Variants in KALRN observed in about 807,000 individuals in gnomAD.
KALRN encodes the protein kalirin.
In KALRN, 70 loss-of-function variants were observed where a neutral mutation model predicts 353.7. The observed-to-expected ratio is 0.20, with a 90% CI of 0.16 to 0.24. The LOEUF (loss-of-function observed/expected upper bound fraction) is 0.24, where lower values mean the gene tolerates loss of function less well. KALRN is among the 10% of genes least tolerant of loss of function. KALRN has a pLI of 1.00. For missense variants in KALRN, 2,791 were observed against 3,756.7 expected, an observed-to-expected ratio of 0.74 and a Z score of 6.72; for synonymous variants, 1,391 against 1,434.8, an observed-to-expected ratio of 0.97 and a Z score of 0.69.
At chr3:124,086,035 T>C (rs2060799027) in intron 1 of KALRN, among the ~76,000 whole-genome samples, 1 of 152,220 alleles carries the variant, frequency 6.6e-6, no homozygotes, top group Non-Finnish European at 1.5e-5. Flanking sequence ...TAAAACTGCT[T>C]GCTCTTGTTA....
At chr3:124,488,057 C>A (rs1399713047) in intron 28 of KALRN, 147 bp from the exon 29 acceptor site, 6 of 554,702 alleles carry the variant, frequency 1.1e-5, no homozygotes, top group Non-Finnish European at 2.0e-5. Context: ...TTAGAGATAA[C>A]CCCTTTTACC....
intron 17 of KALRN, among the ~76,000 whole-genome samples, chr3:124,436,849 C>G (rs996011428): frequency 7.1e-6 from 1 of 139,970 alleles, no homozygotes; most frequent in East Asian, 2.2e-4. Context: ...AGAGATGGGA[C>G]TGGAGAAGTC....
chr3:124,609,105 T>C (rs2077659670), intron 34 of KALRN, among the ~76,000 whole-genome samples: 3 of 152,206 alleles, frequency 2.0e-5, no homozygotes, highest in Admixed American at 6.5e-5. Flanking sequence ...GCTTTACAGG[T>C]ATACATGTGC....
At chr3:124,385,762 A>G (rs1205642016) in intron 11 of KALRN, among the ~76,000 whole-genome samples, 1 of 152,156 alleles carries the variant, frequency 6.6e-6, no homozygotes, top group African/African-American at 2.4e-5. Context: ...ATGGTTGCAA[A>G]CCTATGATTG....
intron 51 of KALRN, among the ~76,000 whole-genome samples, chr3:124,680,192 C>A (rs1385493577): frequency 6.6e-6 from 1 of 152,368 alleles, no homozygotes; most frequent in East Asian, 1.9e-4. Flanking sequence ...ACGGCAGAGG[C>A]CTCTCCAGAG....
chr3:124,415,305 A>T (rs2150291359), intron 14 of KALRN, among the ~76,000 whole-genome samples: 1 of 152,250 alleles, frequency 6.6e-6, no homozygotes, highest in East Asian at 1.9e-4. Flanking sequence ...TCCTCGGGTG[A>T]TTCAACTGTG....
intron 33 of KALRN, among the ~76,000 whole-genome samples, chr3:124,560,361 A>T (rs754618202): frequency 6.6e-6 from 1 of 152,266 alleles, no homozygotes; most frequent in Non-Finnish European, 1.5e-5. Context: ...GAGCAGCTCT[A>T]CTGAGGTGCA....
intron 6 of KALRN, among the ~76,000 whole-genome samples, chr3:124,322,851 C>T (rs1190420700): frequency 6.6e-6 from 1 of 152,064 alleles, no homozygotes; most frequent in African/African-American, 2.4e-5. Flanking sequence ...TCTATCTGCC[C>T]ATTTCTCTCA....
intron 1 of KALRN, chr3:124,163,523 A>G: frequency 1.2e-6 from 1 of 820,200 alleles, no homozygotes; most frequent in Middle Eastern, 6.2e-4. Context: ...ATGCTGCATT[A>G]TGGCATGCAT....
At chr3:124,495,743 A>AG (rs1317196265) in intron 32 of KALRN, among the ~76,000 whole-genome samples, 1 of 147,932 alleles carries the variant, frequency 6.8e-6, no homozygotes, top group Non-Finnish European at 1.5e-5. Flanking sequence ...AAAAAAAAAA[A>AG]AAAAAAAAGA....
intron 33 of KALRN, among the ~76,000 whole-genome samples, chr3:124,500,163 C>A (rs946455587): frequency 2.0e-5 from 3 of 152,150 alleles, no homozygotes; most frequent in African/African-American, 7.2e-5. Flanking sequence ...TCTCCATGCC[C>A]TTTTTTATGG....
chr3:124,158,172 C>T (rs1314593664), intron 1 of KALRN, among the ~76,000 whole-genome samples: 1 of 152,186 alleles, frequency 6.6e-6, no homozygotes, highest in East Asian at 1.9e-4. Flanking sequence ...CCACCCTCTG[C>T]TCCTGAAGCA....
intron 6 of KALRN, among the ~76,000 whole-genome samples, chr3:124,321,617 GGGCTCTCCAT>G (rs1477809160): frequency 6.6e-6 from 1 of 152,174 alleles, no homozygotes. Context: ...TCAGAAGAAG[GGGCTCTCCAT>G]CCTGTGATCT....
chr3:124,637,515 A>G (rs1249739057), intron 37 of KALRN, among the ~76,000 whole-genome samples: 2 of 152,242 alleles, frequency 1.3e-5, no homozygotes, highest in East Asian at 3.8e-4. Context: ...TGGGGGCTGC[A>G]GTGTTGATGA....
In KALRN at chr3:124,065,602, C is replaced by A. The variant is rs1350302938; in HGVS notation, c.73+31789C>A. ...GTGACTAGTTATACTATTCTTTCTA[C>A]TTTTCCATATGACTAAAACATTCCT... On this transcript the variant is annotated intron_variant, in intron 1 of 59. Transcript: ENST00000682506. 3.6e-5 allele frequency among the ~76,000 whole-genome samples: 5 copies of A among 139,808 alleles called. No homozygotes were observed. The East Asian group carries it at 1.1e-3, about 30-fold the overall frequency. The allele number at this position is 139,808 out of a possible 152,430, so 91.7% of individuals were successfully genotyped here. A position where few individuals can be genotyped will look rare whatever the true frequency, so the allele number is the denominator to read the frequency against.
chr3:124,215,382 T>C (rs1224876871), intron 1 of KALRN, among the ~76,000 whole-genome samples: 1 of 152,026 alleles, frequency 6.6e-6, no homozygotes, highest in Non-Finnish European at 1.5e-5. Context: ...TGGGGAGGCA[T>C]TTTTTTAGCT....
In KALRN at chr3:124,334,229, C is replaced by A; in HGVS notation, c.1417-36C>A. ...TTCTCTCTGTGCCCTGCCTATCACC[C>A]TTTTCCCTTAACTTAAACTTCTCTC... On this transcript the variant is annotated intron_variant, in intron 8 of 59. Transcript: ENST00000682506. This position sits in a 1 kb window ranked among gnomAD's most constrained non-coding sequence, Gnocchi z 4.2. 1 of 1,568,732 alleles carries A rather than the reference C, an allele frequency of 6.4e-7. No individual in the cohort carries two copies. Among genetic ancestry groups the A allele is most frequent in the Non-Finnish European group, 8.8e-7 (1 of 1,138,728 alleles).
chr3:124,465,070 GT>G (rs1327567674), intron 25 of KALRN, among the ~76,000 whole-genome samples: 1 of 151,950 alleles, frequency 6.6e-6, no homozygotes, highest in East Asian at 1.9e-4. Flanking sequence ...TAAATTAATG[GT>G]TTAATTATCT....
intron 6 of KALRN, among the ~76,000 whole-genome samples, chr3:124,321,557 C>T (rs980049164): frequency 2.6e-5 from 4 of 152,204 alleles, no homozygotes; most frequent in African/African-American, 9.6e-5. Flanking sequence ...TCTTTCAGGA[C>T]AATGACTCTG....
Sources: allele counts gnomAD v4.1 joint callset (sites outside exome capture counted in the v4.1 genomes callset), GRCh38; gene constraint gnomAD v4.1.1; non-coding constraint Gnocchi (gnomAD v3.1); transcripts MANE v1.5; gene names NCBI Gene and HGNC (gene_info 2026-07-23, HGNC 2026-07-21).